The following HTR1F variants were observed in gnomAD, a reference collection of about 807,000 sequenced individuals.
HTR1F encodes 5-hydroxytryptamine receptor 1F, also known as 5-hydroxytryptamine (serotonin) receptor 1F, G protein-coupled.
In HTR1F, 17 loss-of-function variants were observed where a neutral mutation model predicts 24.0. That is an observed-to-expected ratio of 0.71 (90% CI 0.48 to 1.06). The LOEUF is 1.06. HTR1F is among the 50% of genes least tolerant of loss of function. The probability of loss-of-function intolerance (pLI) is 0.00; values close to 1 mark genes in which losing one functional copy is unlikely to be tolerated. For missense variants in HTR1F, 391 were observed against 427.8 expected, an observed-to-expected ratio of 0.91 and a Z score of 0.76; for synonymous variants, 186 against 156.8, an observed-to-expected ratio of 1.19 and a Z score of -1.39.
At chr3:87,855,079 A>G (rs568104620) in intron 2 of HTR1F, among the ~76,000 whole-genome samples, 2 of 152,022 alleles carry the variant, frequency 1.3e-5, no homozygotes, top group South Asian at 2.1e-4. Flanking sequence ...CATATATTCA[A>G]TGGGCTTTTG....
chr3:87,922,399 A>G (rs1011715521), intron 2 of HTR1F, among the ~76,000 whole-genome samples: 3 of 151,668 alleles, frequency 2.0e-5, no homozygotes, highest in Admixed American at 6.6e-5. Context: ...GGTTTCTTCT[A>G]TATGGTAAAT....
chr3:87,934,329 C>A (rs76741667), intron 2 of HTR1F, among the ~76,000 whole-genome samples: 4,830 of 152,246 alleles, frequency 0.032, 234 homozygotes, highest in African/African-American at 0.11. Flanking sequence ...CACCTTAATC[C>A]TGTCATATCA....
At chr3:87,798,641 C>T (rs1703945346) in intron 1 of HTR1F, among the ~76,000 whole-genome samples, 1 of 152,026 alleles carries the variant, frequency 6.6e-6, no homozygotes, top group South Asian at 2.1e-4. Context: ...TCCTCCACTC[C>T]CATTAACTCC....
At chr3:87,986,964 G>A (rs148233738) in intron 2 of HTR1F, among the ~76,000 whole-genome samples, 2,033 of 151,888 alleles carry the variant, frequency 0.013, 19 homozygotes, top group African/African-American at 0.019. Context: ...AAATTAGCCG[G>A]GTGTGGTGAC....
rs759762861 is a variant in HTR1F at position 87,990,903 on chromosome 3, C to T, written c.154C>T (p.Arg52Trp). The T allele has an allele frequency of 1.8e-5, 29 of 1,614,014 alleles. No homozygotes were observed. The highest frequency in any genetic ancestry group is 1.5e-4 in the Admixed American group (9 of 59,994). Residue 52 changes from arginine to tryptophan, a missense_variant, in exon 3 of 3, where the codon CGG (arginine) becomes TGG (tryptophan). Coordinates refer to ENST00000319595, the MANE Select transcript of HTR1F (RefSeq NM_001322209.2). ...TGTGATCGCTGCAATTATTGTGACC[C>T]GGAAGCTGCACCATCCAGCCAATTA... ...SLVIAAIIVT[R>W]KLHHPANYLI...
intron 2 of HTR1F, among the ~76,000 whole-genome samples, chr3:87,913,383 G>C (rs1703822819): frequency 6.6e-6 from 1 of 152,148 alleles, no homozygotes. Flanking sequence ...AAAGCACCAT[G>C]AGAGACCCAG....
intron 2 of HTR1F, among the ~76,000 whole-genome samples, chr3:87,859,948 GA>G (rs1304019506): frequency 2.6e-5 from 4 of 152,084 alleles, no homozygotes; most frequent in African/African-American, 9.7e-5. Context: ...TATCTTATTA[GA>G]AATCCAATAG....
chr3:87,824,374 AT>A (rs1046019156), intron 2 of HTR1F, among the ~76,000 whole-genome samples: 11 of 152,278 alleles, frequency 7.2e-5, no homozygotes, highest in African/African-American at 1.7e-4. Flanking sequence ...ATGCGACATG[AT>A]TGGATCCCTG....
chr3:87,860,767 G>A (rs192508681), intron 2 of HTR1F, among the ~76,000 whole-genome samples: 1 of 152,234 alleles, frequency 6.6e-6, no homozygotes, highest in East Asian at 1.9e-4. Flanking sequence ...TAAATTTTGT[G>A]TTCAGAAATC....
At chr3:87,898,598 A>T (rs1706252874) in intron 2 of HTR1F, among the ~76,000 whole-genome samples, 1 of 152,166 alleles carries the variant, frequency 6.6e-6, no homozygotes, top group Admixed American at 6.5e-5. Flanking sequence ...TATATGAAAG[A>T]TGAATTTATT....
At chr3:87,975,817 T>C (rs1022583989) in intron 2 of HTR1F, among the ~76,000 whole-genome samples, 4 of 152,250 alleles carry the variant, frequency 2.6e-5, no homozygotes, top group African/African-American at 7.2e-5. Context: ...GAAGACCAGA[T>C]TGCATTTGAG....
At chr3:87,908,848 T>C (rs1703718943) in intron 2 of HTR1F, among the ~76,000 whole-genome samples, 2 of 152,120 alleles carry the variant, frequency 1.3e-5, no homozygotes, top group African/African-American at 2.4e-5. Context: ...ATTAGGCTTG[T>C]AGAAATTCTC....
chr3:87,916,008 C>T (rs990303376), intron 2 of HTR1F, among the ~76,000 whole-genome samples: 1 of 152,132 alleles, frequency 6.6e-6, no homozygotes, highest in African/African-American at 2.4e-5. Context: ...CAGCAGATTT[C>T]TCAGCAGAAT....
intron 2 of HTR1F, among the ~76,000 whole-genome samples, chr3:87,860,025 T>C (rs1304907066): frequency 6.6e-6 from 1 of 152,200 alleles, no homozygotes; most frequent in Non-Finnish European, 1.5e-5. Flanking sequence ...TAATTTTCAC[T>C]ACAAATGTAA....
chr3:87,939,773 C>T (rs879154654), intron 2 of HTR1F, among the ~76,000 whole-genome samples: 1 of 152,110 alleles, frequency 6.6e-6, no homozygotes, highest in Non-Finnish European at 1.5e-5. Flanking sequence ...GATTAGTCTG[C>T]TAACAGTCTA....
intron 1 of HTR1F, among the ~76,000 whole-genome samples, chr3:87,799,109 G>A (rs951200479): frequency 4.6e-5 from 7 of 152,162 alleles, no homozygotes; most frequent in Non-Finnish European, 7.3e-5. Flanking sequence ...ACAATTAGCA[G>A]ACTCATTTAA....
intron 2 of HTR1F, among the ~76,000 whole-genome samples, chr3:87,930,987 C>G (rs538062664): frequency 1.7e-4 from 25 of 148,556 alleles, no homozygotes; most frequent in South Asian, 1.1e-3. Flanking sequence ...AACTCTATGT[C>G]ATTCTTTTCA....
intron 2 of HTR1F, among the ~76,000 whole-genome samples, chr3:87,944,855 G>A (rs1230991044): frequency 1.3e-5 from 2 of 152,170 alleles, no homozygotes; most frequent in African/African-American, 2.4e-5. Flanking sequence ...ATTTTAATAG[G>A]AAGGCTACAG....
chr3:87,968,818 C>T (rs778428259), intron 2 of HTR1F, among the ~76,000 whole-genome samples: 5 of 152,182 alleles, frequency 3.3e-5, no homozygotes, highest in Non-Finnish European at 7.3e-5. Context: ...GAAGCCCCTC[C>T]CTTCACAGGC....
Sources: gnomAD v4.1 joint callset for allele counts (sites outside exome capture counted in the v4.1 genomes callset) on GRCh38, gnomAD v4.1.1 for gene constraint, MANE v1.5 for transcripts, NCBI Gene and HGNC (gene_info 2026-07-23, HGNC 2026-07-21) for gene names.